Variants in RASA4 observed in about 807,000 individuals in gnomAD.
The protein encoded by RASA4 is ras GTPase-activating protein 4.
Under a neutral mutation model 24.0 loss-of-function variants are expected in RASA4, and 5 were observed. That is an observed-to-expected ratio of 0.21 (90% CI 0.11 to 0.44). The LOEUF is 0.44. RASA4 is among the 20% of genes least tolerant of loss of function. RASA4 has a pLI of 0.99. For synonymous variants in RASA4, 9 were observed against 132.7 expected (o/e 0.07, Z 6.41); for missense variants, 38 against 293.0 (o/e 0.13, Z 6.35).
chr7:102,595,463 G>T, intron 10 of RASA4, 94 bp from the exon 11 acceptor site: 1 of 896,996 alleles, frequency 1.1e-6, no homozygotes, highest in Admixed American at 2.4e-5. Context: ...ATCTAAGCTG[G>T]CCCCTCAATA....
chr7:102,597,732 G>T (rs1369485900), intron 8 of RASA4, among the ~76,000 whole-genome samples: 1 of 137,232 alleles, frequency 7.3e-6, no homozygotes, highest in Non-Finnish European at 1.7e-5. Context: ...CTGTTTTCTT[G>T]AGACGGAGTT....
At chr7:102,610,527 C>T (rs1329952384) in intron 2 of RASA4, among the ~76,000 whole-genome samples, 1 of 147,804 alleles carries the variant, frequency 6.8e-6, no homozygotes, top group Non-Finnish European at 1.5e-5. Flanking sequence ...CTGGGGTTGC[C>T]CAGCCTCGAG....
intron 4 of RASA4, chr7:102,606,300 A>AATCCCAGC (rs1428903649): frequency 3.1e-6 from 1 of 320,626 alleles, no homozygotes; most frequent in Non-Finnish European, 6.2e-6. Context: ...GCATGCCTGT[A>AATCCCAGC]ATCCCAGCTC....
chr7:102,601,770 A>G, intron 6 of RASA4, among the ~76,000 whole-genome samples: 1 of 17,308 alleles, frequency 5.8e-5, no homozygotes, highest in African/African-American at 1.0e-4. Context: ...AAATACAAGA[A>G]ATTAGCCTGG....
At chr7:102,603,172 G>T (rs1790441383) in intron 5 of RASA4, among the ~76,000 whole-genome samples, 1 of 139,352 alleles carries the variant, frequency 7.2e-6, no homozygotes, top group Admixed American at 7.2e-5. Context: ...GGTTGGCCAG[G>T]CTGCCGTCGA....
At chr7:102,588,952 CTTTTTTTT>C (rs138710001) in intron 17 of RASA4, among the ~76,000 whole-genome samples, 21 of 30,412 alleles carry the variant, frequency 6.9e-4, no homozygotes, top group East Asian at 3.5e-3. Flanking sequence ...TCACAATTTG[CTTTTTTTT>C]TTTTTTTTTT....
chr7:102,594,911 A>C (rs1790123249), intron 11 of RASA4, among the ~76,000 whole-genome samples: 1 of 54,236 alleles, frequency 1.8e-5, no homozygotes, highest in African/African-American at 4.0e-5. Flanking sequence ...CACGGAGTCT[A>C]GCACGGGGCC....
At chr7:102,604,174 CAA>C (rs1166935666) in intron 5 of RASA4, among the ~76,000 whole-genome samples, 1 of 148,350 alleles carries the variant, frequency 6.7e-6, no homozygotes, top group Non-Finnish European at 1.5e-5. Context: ...AAACAAAAAA[CAA>C]AAAAACCCCA....
intron 5 of RASA4, among the ~76,000 whole-genome samples, chr7:102,603,809 C>T (rs1233185280): frequency 1.0e-4 from 15 of 147,564 alleles, no homozygotes; most frequent in African/African-American, 3.7e-4. Context: ...CCACTGCACT[C>T]CAGCCTGGGC....
chr7:102,594,918 G>A (rs1172355435), intron 11 of RASA4, among the ~76,000 whole-genome samples: 1 of 55,540 alleles, frequency 1.8e-5, no homozygotes, highest in African/African-American at 3.9e-5. Context: ...TCTAGCACGG[G>A]GCCCAGGCTA....
intron 1 of RASA4, among the ~76,000 whole-genome samples, chr7:102,613,200 C>CCA (rs1181940459): frequency 5.1e-3 from 4 of 786 alleles, no homozygotes; most frequent in East Asian, 0.027. Flanking sequence ...AATAAAGAGC[C>CCA]CCCCCACCTC....
At position 102,605,916 on chromosome 7, in the gene RASA4, G is replaced by T. The variant is rs1265474466; in HGVS notation, c.370C>A (p.Leu124Met). The T allele has an allele frequency of 6.9e-6, 11 of 1,593,798 alleles. No individual in the cohort carries two copies. Among genetic ancestry groups the T allele is most frequent in the Non-Finnish European group, 8.5e-6 (10 of 1,169,730 alleles). The change falls in exon 5 of 21, where the codon CTG (leucine) becomes ATG (methionine). Residue 124 changes from leucine to methionine, a missense_variant. By Grantham distance (15) the Leu-to-Met change is conservative. Coordinates refer to ENST00000262940, the MANE Select transcript of RASA4 (RefSeq NM_006989.6). ...EEVQGEIHLR[L>M]EVWPGARACR... ...GCCCGGGCCCCTGGCCACACTTCCA[G>T]CCGCAGGTGGATCTCGCCCTGCACC...
intron 8 of RASA4, among the ~76,000 whole-genome samples, chr7:102,599,521 C>A (rs1790356708): frequency 1.2e-5 from 1 of 85,262 alleles, no homozygotes; most frequent in Non-Finnish European, 2.5e-5. Context: ...CCTGTAGTCC[C>A]AGCTACTTGG....
At chr7:102,604,614 T>G in intron 5 of RASA4, among the ~76,000 whole-genome samples, 16 of 135,798 alleles carry the variant, frequency 1.2e-4, no homozygotes, top group African/African-American at 1.3e-4. Context: ...AGCGGGTGAG[T>G]TGGGGTGGGG....
intron 17 of RASA4, among the ~76,000 whole-genome samples, chr7:102,588,814 ACC>A: frequency 1.3e-4 from 1 of 7,546 alleles, no homozygotes; most frequent in South Asian, 5.4e-3. Flanking sequence ...ACAGGCGCAC[ACC>A]ACCACACCCA....
chr7:102,591,241 G>T (rs1180906986), intron 16 of RASA4, among the ~76,000 whole-genome samples: 3 of 73,312 alleles, frequency 4.1e-5, no homozygotes, highest in Non-Finnish European at 5.1e-5. Flanking sequence ...GGTCAGCTAT[G>T]ATCGCACCAC....
chr7:102,590,871 C>T (rs1343162979), intron 16 of RASA4, among the ~76,000 whole-genome samples: 182 of 136,640 alleles, frequency 1.3e-3, no homozygotes, highest in African/African-American at 5.2e-3. Context: ...ACCCGGGAGG[C>T]GGAGGTTGCG....
chr7:102,587,123 AC>A (rs1789795437), intron 18 of RASA4, among the ~76,000 whole-genome samples: 1 of 26,492 alleles, frequency 3.8e-5, no homozygotes, highest in African/African-American at 1.0e-4. Flanking sequence ...AACAACAACA[AC>A]AACAACAAAA....
intron 8 of RASA4, among the ~76,000 whole-genome samples, chr7:102,597,744 C>T (rs1165282539): frequency 2.9e-5 from 4 of 136,084 alleles, no homozygotes; most frequent in African/African-American, 1.0e-4. Flanking sequence ...GACGGAGTTT[C>T]GCTCTTGTCA....
Sources: allele counts gnomAD v4.1 joint callset (sites outside exome capture counted in the v4.1 genomes callset), GRCh38; gene constraint gnomAD v4.1.1; transcripts MANE v1.5; gene names NCBI Gene and HGNC (gene_info 2026-07-23, HGNC 2026-07-21).